RASGRF2: variants seen among roughly 807,000 people sequenced by gnomAD.
RASGRF2 encodes the protein ras-specific guanine nucleotide-releasing factor 2.
A neutral mutation model predicts 151.0 loss-of-function variants in RASGRF2; 76 were observed. The observed-to-expected ratio is 0.50, with a 90% CI of 0.42 to 0.61. RASGRF2 has a LOEUF of 0.61. Among genes scored for constraint, RASGRF2 ranks in the 20% least tolerant of loss-of-function variants. RASGRF2 has a pLI of 0.00. For missense variants in RASGRF2, 1,148 were observed against 1,564.6 expected, an observed-to-expected ratio of 0.73 and a Z score of 4.49; for synonymous variants, 504 against 566.5, an observed-to-expected ratio of 0.89 and a Z score of 1.57.
At chr5:81,217,210 T>C in intron 24 of RASGRF2, 146 bp from the exon 25 acceptor site, 5 of 1,222,624 alleles carry the variant, frequency 4.1e-6, no homozygotes, top group Non-Finnish European at 5.5e-6. Flanking sequence ...ATTCTGCGTA[T>C]TATGAATATG....
chr5:81,055,387 T>C (rs1488910506), intron 2 of RASGRF2, among the ~76,000 whole-genome samples: 1 of 152,206 alleles, frequency 6.6e-6, no homozygotes, highest in Non-Finnish European at 1.5e-5. Flanking sequence ...GAGATAATCA[T>C]GTGGTTTTTA....
intron 13 of RASGRF2, among the ~76,000 whole-genome samples, chr5:81,112,163 T>C (rs909434249): frequency 7.2e-5 from 11 of 152,190 alleles, no homozygotes; most frequent in African/African-American, 2.4e-4. Context: ...ATATGTCATA[T>C]AGACATACAC....
At chr5:81,069,691 C>T (rs1026670646) in intron 3 of RASGRF2, among the ~76,000 whole-genome samples, 1 of 152,164 alleles carries the variant, frequency 6.6e-6, no homozygotes, top group Non-Finnish European at 1.5e-5. Context: ...CAGAAAATGG[C>T]AGAGGGGTGT....
chr5:81,058,362 A>G (rs1479288095), intron 2 of RASGRF2, among the ~76,000 whole-genome samples: 4 of 152,222 alleles, frequency 2.6e-5, no homozygotes, highest in Non-Finnish European at 5.9e-5. Flanking sequence ...TGTGTTGGCA[A>G]TATAGTAGAA....
chr5:81,112,606 G>T lies in RASGRF2; in HGVS notation c.1839-4G>T. On this transcript the variant is annotated splice_polypyrimidine_tract_variant and splice_region_variant and intron_variant, in intron 13 of 26. Transcript: ENST00000265080. ...TACCATCATGTTCCTGCCTTTGCAC[G>T]TAGGTCTGATGCCCGTCTTCATAAA... is the stretch of plus-strand genomic sequence containing the variant. 5.0e-6 allele frequency: 8 copies of T among 1,614,092 alleles called. No individual in the cohort carries two copies. The highest frequency in any genetic ancestry group is 6.8e-6 in the Non-Finnish European group (8 of 1,179,972).
intron 17 of RASGRF2, among the ~76,000 whole-genome samples, chr5:81,152,819 T>C (rs1214101069): frequency 2.0e-5 from 3 of 152,248 alleles, no homozygotes; most frequent in Admixed American, 6.5e-5. Context: ...AGCCTGAGAC[T>C]GCTCTTGTCT....
chr5:81,003,258 T>A (rs1202675075), intron 1 of RASGRF2, among the ~76,000 whole-genome samples: 2 of 143,122 alleles, frequency 1.4e-5, no homozygotes, highest in Admixed American at 1.5e-4. Flanking sequence ...AGTCTCACTC[T>A]GTCGCCCAGG....
intron 15 of RASGRF2, among the ~76,000 whole-genome samples, chr5:81,123,183 A>ACC (rs1377866296): frequency 3.9e-5 from 6 of 152,040 alleles, no homozygotes; most frequent in Non-Finnish European, 8.8e-5. Flanking sequence ...TCTCTGGGAG[A>ACC]CCCAGAGATC....
intron 2 of RASGRF2, among the ~76,000 whole-genome samples, chr5:81,057,990 T>G (rs920333842): frequency 1.3e-5 from 2 of 152,008 alleles, no homozygotes; most frequent in African/African-American, 2.4e-5. Context: ...AAGAAGAACC[T>G]GCCTCAAAAA....
intron 2 of RASGRF2, among the ~76,000 whole-genome samples, chr5:81,052,056 A>G (rs1047709707): frequency 6.6e-6 from 1 of 152,204 alleles, no homozygotes; most frequent in Admixed American, 6.5e-5. Flanking sequence ...TTCTTGTTGA[A>G]TTAATATAGT....
At chr5:81,008,307 C>G (rs540033240) in intron 1 of RASGRF2, among the ~76,000 whole-genome samples, 1 of 151,868 alleles carries the variant, frequency 6.6e-6, no homozygotes, top group Admixed American at 6.6e-5. Context: ...TGTGTCACCA[C>G]GCCCGGCTAA....
At chr5:81,196,269 T>G (rs1051525202) in intron 18 of RASGRF2, among the ~76,000 whole-genome samples, 4 of 151,954 alleles carry the variant, frequency 2.6e-5, no homozygotes, top group African/African-American at 7.3e-5. Context: ...AACAAACAAA[T>G]AACAACAAAA....
intron 13 of RASGRF2, among the ~76,000 whole-genome samples, chr5:81,111,235 G>T (rs1752983839): frequency 6.6e-6 from 1 of 152,198 alleles, no homozygotes; most frequent in African/African-American, 2.4e-5. Context: ...TAATCAAGTG[G>T]TGAAATTCAG....
In RASGRF2 at chr5:81,016,692, A is replaced by G. The variant is rs144284403; in HGVS notation, c.289-26185A>G. 4.2e-3 allele frequency among the ~76,000 whole-genome samples: 640 copies of G among 152,338 alleles called. 1 individual carries two copies. Among genetic ancestry groups the G allele is most frequent in the South Asian group, 0.014 (69 of 4,822 alleles). Reference sequence around the variant, plus strand: ...TTCTTTGAGAATGTAAAAAATAGAAATAAAGGAAGAATATATTTTAAGACA... The same window carrying G: ...TTCTTTGAGAATGTAAAAAATAGAAGTAAAGGAAGAATATATTTTAAGACA... On this transcript the variant is annotated intron_variant, in intron 1 of 26. Transcript: ENST00000265080.
chr5:81,065,233 G>A (rs1181676912), intron 2 of RASGRF2, among the ~76,000 whole-genome samples: 3 of 152,124 alleles, frequency 2.0e-5, no homozygotes, highest in Non-Finnish European at 4.4e-5. Context: ...TGATTTAAGA[G>A]CCTGGAAGTA....
At chr5:81,140,467 C>T (rs1420207088) in intron 17 of RASGRF2, among the ~76,000 whole-genome samples, 2 of 152,068 alleles carry the variant, frequency 1.3e-5, no homozygotes, top group Non-Finnish European at 2.9e-5. Context: ...CACACTCACT[C>T]ACATTTTGCT....
chr5:81,194,244 T>A (rs1580395667), intron 18 of RASGRF2, among the ~76,000 whole-genome samples: 1 of 151,218 alleles, frequency 6.6e-6, no homozygotes, highest in East Asian at 2.0e-4. Context: ...TAGTCCCAGC[T>A]ACTTGGGAGG....
chr5:81,071,652 A>AT (rs952695072), intron 4 of RASGRF2, among the ~76,000 whole-genome samples: 3 of 151,572 alleles, frequency 2.0e-5, no homozygotes, highest in African/African-American at 4.8e-5. Context: ...TTAGAAATTA[A>AT]TTTTTTTTTG....
chr5:81,181,886 C>T (rs1005641727), intron 18 of RASGRF2, among the ~76,000 whole-genome samples: 13 of 152,130 alleles, frequency 8.5e-5, no homozygotes, highest in Admixed American at 5.9e-4. Flanking sequence ...AGGAATCCCT[C>T]CCAATTCACA....
Sources: allele counts gnomAD v4.1 joint callset (sites outside exome capture counted in the v4.1 genomes callset), GRCh38; gene constraint gnomAD v4.1.1; transcripts MANE v1.5; gene names NCBI Gene and HGNC (gene_info 2026-07-23, HGNC 2026-07-21).